The following POU2F1 variants were observed in gnomAD, a reference collection of about 807,000 sequenced individuals.
The protein encoded by POU2F1 is POU domain, class 2, transcription factor 1.
POU2F1 carries 16 observed loss-of-function variants against 84.9 expected under a neutral mutation model. The ratio of observed to expected loss-of-function variants is 0.19; its 90% CI spans 0.13 to 0.29. The LOEUF (loss-of-function observed/expected upper bound fraction) is 0.29, where lower values mean the gene tolerates loss of function less well. Ranked by LOEUF, POU2F1 falls within the 10% of genes least tolerant of loss-of-function variation. The probability of loss-of-function intolerance (pLI) is 1.00; values close to 1 mark genes in which losing one functional copy is unlikely to be tolerated. For missense variants in POU2F1, 738 were observed against 942.6 expected (o/e 0.78, Z 2.84); for synonymous variants, 368 against 368.3 (o/e 1.00, Z 0.01).
At chr1:167,333,852 A>G (rs941116917) in intron 2 of POU2F1, among the ~76,000 whole-genome samples, 4 of 152,098 alleles carry the variant, frequency 2.6e-5, no homozygotes, top group Non-Finnish European at 5.9e-5. Flanking sequence ...ACTGGTTCCT[A>G]TGCCAGTGCC....
Position 167,419,582 on chromosome 1 carries a change from C to G in POU2F1, c.*3772C>G, listed in dbSNP as rs1027712941. ...CAGAAAGACCTAAAAAAGGGCTTCT[C>G]ACAGGAACAATATTACTATGTTGTT... On this transcript the variant is annotated 3_prime_UTR_variant, in exon 16 of 16. Transcript: ENST00000367866. 7 of 152,156 alleles carry G rather than the reference C, an allele frequency of 4.6e-5. No individual in the cohort carries two copies. The highest frequency in any genetic ancestry group is 8.8e-5 in the Non-Finnish European group (6 of 68,036). 9.4% of individuals were successfully genotyped at this position (152,156 alleles called of 1,614,324 possible).
At chr1:167,244,468 C>T (rs1650161182) in intron 1 of POU2F1, among the ~76,000 whole-genome samples, 1 of 152,190 alleles carries the variant, frequency 6.6e-6, no homozygotes, top group South Asian at 2.1e-4. Flanking sequence ...TCAGAGCAAG[C>T]ACATGAGAAG....
chr1:167,269,261 A>G (rs974233992), intron 1 of POU2F1, among the ~76,000 whole-genome samples: 1 of 152,248 alleles, frequency 6.6e-6, no homozygotes, highest in Non-Finnish European at 1.5e-5. Context: ...TTAGCCTGCT[A>G]ATTGTAAAGT....
At chr1:167,255,748 C>T (rs140225079) in intron 1 of POU2F1, among the ~76,000 whole-genome samples, 3 of 152,224 alleles carry the variant, frequency 2.0e-5, no homozygotes, top group African/African-American at 4.8e-5. Context: ...CTTTGAGAAT[C>T]GGTGACTGAC....
At chr1:167,244,074 A>C (rs998612875) in intron 1 of POU2F1, among the ~76,000 whole-genome samples, 2 of 152,232 alleles carry the variant, frequency 1.3e-5, no homozygotes, top group Admixed American at 6.5e-5. Flanking sequence ...CACCTGAGAT[A>C]GCAAAAGGTC....
chr1:167,279,796 C>A (rs1652987461), intron 1 of POU2F1, among the ~76,000 whole-genome samples: 1 of 152,036 alleles, frequency 6.6e-6, no homozygotes, highest in South Asian at 2.1e-4. Flanking sequence ...AACTTAAGTT[C>A]TGGAAGGGTT....
Position 167,220,914 on chromosome 1 carries a change from C to T in POU2F1, c.17C>T (p.Ala6Val). ...ATATTCAAAATGGCGGACGGAGGAG[C>T]AGCGAGTCAAGATGAGAGTTCAGCC... is the stretch of plus-strand genomic sequence containing the variant. MADGG[A>V]ASQDESSAAA... is the part of the protein sequence containing the mutation. The change falls in exon 1 of 16, where the codon GCA (alanine) becomes GTA (valine). Residue 6 changes from alanine (A) to valine (V), a missense_variant. By Grantham distance (64) the Ala-to-Val change is moderately conservative. Around this residue, in one of 4 missense-constraint regions of POU2F1, gnomAD observed 161 missense variants for 147.0 expected, o/e 1.10. Coordinates refer to ENST00000367866, the MANE Select transcript of POU2F1 (RefSeq NM_002697.4). 1 of 1,535,120 alleles carries T rather than the reference C, an allele frequency of 6.5e-7. No homozygotes were observed. Among genetic ancestry groups the T allele is most frequent in the Non-Finnish European group, 8.7e-7 (1 of 1,146,760 alleles).
At chr1:167,364,102 G>A (rs1244594888) in intron 2 of POU2F1, among the ~76,000 whole-genome samples, 1 of 152,178 alleles carries the variant, frequency 6.6e-6, no homozygotes, top group Admixed American at 6.5e-5. Context: ...AGTACATAAT[G>A]TTCTGGCTTT....
chr1:167,396,708 C>G, intron 10 of POU2F1: 1 of 296,812 alleles, frequency 3.4e-6, no homozygotes. Flanking sequence ...CACACACACA[C>G]AGTTGAAGGA....
intron 7 of POU2F1, among the ~76,000 whole-genome samples, chr1:167,381,899 C>T (rs1189781114): frequency 2.6e-5 from 4 of 151,850 alleles, no homozygotes; most frequent in South Asian, 2.1e-4. Context: ...CATGAGCCAC[C>T]GCGCCTGGCC....
intron 1 of POU2F1, among the ~76,000 whole-genome samples, chr1:167,281,049 C>T (rs187421810): frequency 6.6e-6 from 1 of 152,196 alleles, no homozygotes; most frequent in Non-Finnish European, 1.5e-5. Context: ...AAGTATCTTA[C>T]AAGATTACAT....
intron 1 of POU2F1, among the ~76,000 whole-genome samples, chr1:167,302,493 G>T (rs993892145): frequency 6.6e-6 from 1 of 151,986 alleles, no homozygotes; most frequent in African/African-American, 2.4e-5. Flanking sequence ...TCCTGACCTC[G>T]TGATTCGCCT....
At chr1:167,386,433 G>A (rs1417649784) in intron 8 of POU2F1, among the ~76,000 whole-genome samples, 1 of 152,220 alleles carries the variant, frequency 6.6e-6, no homozygotes, top group African/African-American at 2.4e-5. Context: ...CAATCTGCGT[G>A]TCTTGGCCTC....
intron 3 of POU2F1, among the ~76,000 whole-genome samples, chr1:167,369,750 A>G (rs1182856429): frequency 6.6e-6 from 1 of 152,126 alleles, no homozygotes; most frequent in Non-Finnish European, 1.5e-5. Flanking sequence ...AAATAAGTAG[A>G]TGGTTCTGAT....
chr1:167,285,549 C>T (rs10918676), intron 1 of POU2F1, among the ~76,000 whole-genome samples: 22,916 of 151,400 alleles, frequency 0.15, 1,966 homozygotes, highest in Non-Finnish European at 0.2. Flanking sequence ...GCTGAGATCG[C>T]GCCACTGCAC....
rs530206331 is a variant in POU2F1, at chr1:167,340,598, A to G, written c.127+8063A>G. On this transcript the variant is annotated intron_variant, in intron 2 of 15. Transcript: ENST00000367866. The stretch of plus-strand genomic sequence containing the variant: ...AGGTGTGCGCCCCCACGCCCAGCTA[A>G]TTTTTGTGTTTTTAATAGAAACTGG... Among the ~76,000 whole-genome samples the G allele has an allele frequency of 8.6e-5, 13 of 151,352 alleles. No homozygotes were observed. The South Asian group carries it at 2.7e-3, about 32-fold the overall frequency.
chr1:167,306,504 A>G (rs977910686), intron 1 of POU2F1, among the ~76,000 whole-genome samples: 1 of 152,222 alleles, frequency 6.6e-6, no homozygotes, highest in Non-Finnish European at 1.5e-5. Flanking sequence ...TTTCAAAATA[A>G]CATATTAATT....
Position 167,318,420 on chromosome 1 carries a change from A to G in POU2F1, c.62-14050A>G, listed in dbSNP as rs189045576. On this transcript the variant is annotated intron_variant, in intron 1 of 15. Transcript: ENST00000367866. ...TGCAGTTCAAGCTAAACATCCCCTT[A>G]GGGGACCAATCAATAATGATGCCAT... Among the ~76,000 whole-genome samples, 29 of 152,340 alleles carry G rather than the reference A, an allele frequency of 1.9e-4. No homozygotes were observed. In the East Asian group the frequency reaches 5.2e-3, roughly 27 times the overall value.
chr1:167,363,959 C>G (rs1286143067), intron 2 of POU2F1, among the ~76,000 whole-genome samples: 1 of 152,124 alleles, frequency 6.6e-6, no homozygotes, highest in African/African-American at 2.4e-5. Context: ...CTGGTTTGCT[C>G]TGGATGTGTG....
Sources: allele counts gnomAD v4.1 joint callset (sites outside exome capture counted in the v4.1 genomes callset), GRCh38; gene constraint gnomAD v4.1.1; regional missense constraint gnomAD v4.1.1; transcripts MANE v1.5; gene names NCBI Gene and HGNC (gene_info 2026-07-23, HGNC 2026-07-21).